Variants in UFL1 observed in about 807,000 individuals in gnomAD.
UFL1 encodes the protein UFM1 specific ligase 1.
UFL1 carries 78 observed loss-of-function variants against 99.3 expected under a neutral mutation model. That is an observed-to-expected ratio of 0.79 (90% CI 0.65 to 0.95). UFL1 has a LOEUF of 0.95. UFL1 is among the 40% of genes least tolerant of loss of function. UFL1 has a pLI of 0.00. For synonymous variants in UFL1, 335 were observed against 322.2 expected, an observed-to-expected ratio of 1.04 and a Z score of -0.42; for missense variants, 936 against 937.0, an observed-to-expected ratio of 1.00 and a Z score of 0.01.
At chr6:96,543,068 T>C (rs771567009) in intron 12 of UFL1, 52 bp downstream of exon 12, 1 of 1,537,510 alleles carries the variant, frequency 6.5e-7, no homozygotes, top group Non-Finnish European at 8.7e-7. Flanking sequence ...ATTTGTAACA[T>C]ATTTTCTTAA....
intron 10 of UFL1, 119 bp downstream of exon 10, chr6:96,538,929 C>T (rs1769892752): frequency 2.3e-6 from 2 of 878,214 alleles, no homozygotes; most frequent in Admixed American, 3.3e-5. Context: ...TATTATTTTC[C>T]TTTAATGTAT....
intron 13 of UFL1, among the ~76,000 whole-genome samples, chr6:96,548,681 G>A (rs1057357563): frequency 1.3e-5 from 2 of 151,768 alleles, no homozygotes; most frequent in East Asian, 3.9e-4. Context: ...TGTTTAAGGA[G>A]AATATAGAGT....
intron 7 of UFL1, among the ~76,000 whole-genome samples, chr6:96,534,853 T>A (rs1194464237): frequency 6.6e-6 from 1 of 151,516 alleles, no homozygotes; most frequent in African/African-American, 2.4e-5. Context: ...TTAAAAGCAA[T>A]GATTTTGTCT....
chr6:96,530,248 T>C (rs1190590132), intron 6 of UFL1, among the ~76,000 whole-genome samples: 5 of 152,220 alleles, frequency 3.3e-5, no homozygotes, highest in African/African-American at 1.2e-4. Context: ...TTATAGAATG[T>C]TCATTGTTGG....
chr6:96,524,443 CT>C, intron 3 of UFL1, 33 bp downstream of exon 3: 1 of 1,528,970 alleles, frequency 6.5e-7, no homozygotes, highest in Non-Finnish European at 8.8e-7. Context: ...TTTTGCTTTA[CT>C]TTCTCAATTT....
At chr6:96,530,924 G>T (rs1411117931) in intron 6 of UFL1, among the ~76,000 whole-genome samples, 2 of 152,222 alleles carry the variant, frequency 1.3e-5, no homozygotes. Flanking sequence ...CTGCCAATCA[G>T]TACCAGTCTG....
chr6:96,524,055 T>G (rs2127948398), intron 2 of UFL1, among the ~76,000 whole-genome samples: 1 of 152,246 alleles, frequency 6.6e-6, no homozygotes. Flanking sequence ...TAGTTGTCAA[T>G]ATCTCTTTGA....
intron 3 of UFL1, among the ~76,000 whole-genome samples, chr6:96,524,905 T>C (rs906767381): frequency 1.3e-5 from 2 of 152,204 alleles, no homozygotes; most frequent in African/African-American, 4.8e-5. Context: ...CTATCTGTTA[T>C]ATGAATATGT....
intron 12 of UFL1, among the ~76,000 whole-genome samples, chr6:96,544,454 T>C (rs912290844): frequency 1.3e-5 from 2 of 151,060 alleles, no homozygotes; most frequent in African/African-American, 4.8e-5. Context: ...ATTTTTCCTC[T>C]TTCACAGAAT....
At chr6:96,526,254 T>C in intron 4 of UFL1, 67 bp from the exon 5 acceptor site, 1 of 1,372,474 alleles carries the variant, frequency 7.3e-7, no homozygotes, top group Non-Finnish European at 1.0e-6. Context: ...AAATTAAACA[T>C]AAAATGAGGA....
chr6:96,538,212 T>C (rs997029121), intron 9 of UFL1, among the ~76,000 whole-genome samples: 3 of 151,766 alleles, frequency 2.0e-5, no homozygotes, highest in Non-Finnish European at 4.4e-5. Context: ...TTGCTGTCTT[T>C]AGGAGGGACA....
rs1322661209 is a variant in UFL1, at chr6:96,526,366, A to C, written c.396A>C (p.Gln132His). 1 of 1,613,594 alleles carries C rather than the reference A, an allele frequency of 6.2e-7. No homozygotes were observed. The highest frequency in any genetic ancestry group is 8.5e-7 in the Non-Finnish European group (1 of 1,179,824). Residue 132 changes from glutamine (Q) to histidine (H), a missense_variant, in exon 5 of 19, where the codon CAA becomes CAC. Physicochemically the swap from Gln to His is conservative, Grantham distance 24 (BLOSUM62 0). Transcript: ENST00000369278. ...CAGAAGAGGTCAATGATAAATTGCA[A>C]GAAAGTGGTCAGGTCACCATATCAG... ...RLAEEVNDKL[Q>H]ESGQVTISEL...
chr6:96,543,993 A>G (rs552287933), intron 12 of UFL1, among the ~76,000 whole-genome samples: 1 of 151,220 alleles, frequency 6.6e-6, no homozygotes. Flanking sequence ...TTTACCAAAA[A>G]TTTTTAAAGG....
intron 8 of UFL1, among the ~76,000 whole-genome samples, chr6:96,536,955 A>G (rs899562332): frequency 4.0e-5 from 6 of 150,946 alleles, no homozygotes; most frequent in Non-Finnish European, 7.4e-5. Context: ...GACTGAATTT[A>G]GTTATTAAAA....
chr6:96,529,043 C>A (rs934685592), intron 6 of UFL1, among the ~76,000 whole-genome samples: 1 of 152,208 alleles, frequency 6.6e-6, no homozygotes, highest in African/African-American at 2.4e-5. Flanking sequence ...CACCTAACTT[C>A]TTTGGGCATC....
chr6:96,523,072 A>G, intron 1 of UFL1, 74 bp from the exon 2 acceptor site: 1 of 1,423,702 alleles, frequency 7.0e-7, no homozygotes, highest in Middle Eastern at 1.8e-4. Context: ...GCCTGTTTTC[A>G]TACATTGTAT....
chr6:96,548,217 T>TA lies in UFL1; in HGVS notation c.1456_1457insA (p.Leu486TyrfsTer10). On this transcript the variant is annotated frameshift_variant, in exon 13 of 19. Coordinates refer to ENST00000369278, the MANE Select transcript of UFL1 (RefSeq NM_015323.5). LOFTEE classifies it high-confidence loss of function. The stretch of plus-strand genomic sequence containing the variant: ...GTTCCAGGATGAGATTGAAGATTTT[T>TA]TAAGAAAACACATACAAGATGCCCC... The TA allele has an allele frequency of 6.2e-7, 1 of 1,608,138 alleles. No individual in the cohort carries two copies. Among genetic ancestry groups the TA allele is most frequent in the Non-Finnish European group, 8.5e-7 (1 of 1,176,934 alleles).
intron 6 of UFL1, among the ~76,000 whole-genome samples, chr6:96,532,167 AAAG>A (rs1370877739): frequency 6.6e-6 from 1 of 152,218 alleles, no homozygotes; most frequent in Non-Finnish European, 1.5e-5. Flanking sequence ...TCATACAAAA[AAAG>A]CTAGAAATTT....
In UFL1 at chr6:96,553,955, CTG is replaced by C. The variant is rs1770118886; in HGVS notation, c.*456_*457del. On this transcript the variant is annotated 3_prime_UTR_variant, in exon 19 of 19. Transcript: ENST00000369278. Reference sequence around the variant, plus strand: ...TCTTTTTTTTTTAAAAGAAACACTTCTGTGTCAGAAATGAAAATAAATCATGT... The same window carrying C: ...TCTTTTTTTTTTAAAAGAAACACTTCTGTCAGAAATGAAAATAAATCATGT... 6.6e-6 allele frequency: 1 copy of C among 151,750 alleles called. No individual in the cohort carries two copies. The highest frequency in any genetic ancestry group is 1.5e-5 in the Non-Finnish European group (1 of 68,104). The allele number at this position is 151,750 out of a possible 1,614,324, so 9.4% of individuals were successfully genotyped here.
Sources: allele counts gnomAD v4.1 joint callset (sites outside exome capture counted in the v4.1 genomes callset), GRCh38; gene constraint gnomAD v4.1.1; transcripts MANE v1.5; gene names NCBI Gene and HGNC (gene_info 2026-07-23, HGNC 2026-07-21).